Variants in DBF4B observed in about 807,000 individuals in gnomAD.
DBF4B encodes the protein protein DBF4 homolog B.
DBF4B carries 49 observed loss-of-function variants against 53.4 expected under a neutral mutation model. That is an observed-to-expected ratio of 0.92 (90% CI 0.73 to 1.16). The LOEUF is 1.16. DBF4B is among the 50% of genes most tolerant of loss of function. The pLI, the probability that DBF4B is intolerant of heterozygous loss-of-function variation, is 0.00. For missense variants in DBF4B, 692 were observed against 775.0 expected, an observed-to-expected ratio of 0.89 and a Z score of 1.27; for synonymous variants, 257 against 288.7, an observed-to-expected ratio of 0.89 and a Z score of 1.11.
At chr17:44,722,584 C>T (rs1049254339) in intron 2 of DBF4B, among the ~76,000 whole-genome samples, 5 of 152,170 alleles carry the variant, frequency 3.3e-5, no homozygotes, top group Admixed American at 2.0e-4. Context: ...CCCCCAATGT[C>T]TGGTTTGGGG....
At chr17:44,734,359 C>T (rs1975146081) in intron 7 of DBF4B, among the ~76,000 whole-genome samples, 196 bp downstream of exon 7, 2 of 152,228 alleles carry the variant, frequency 1.3e-5, no homozygotes, top group Admixed American at 6.5e-5. Context: ...TTCTCTGTGG[C>T]ACTTGCAGTC....
intron 6 of DBF4B, chr17:44,732,852 C>A (rs576248147): frequency 7.1e-6 from 1 of 141,342 alleles, no homozygotes; most frequent in East Asian, 2.1e-4. Flanking sequence ...GGTGACAGAG[C>A]GAGACTCCGT....
At position 44,751,890 on chromosome 17, in the gene DBF4B, G is replaced by A; in HGVS notation, c.*637G>A. The A allele has an allele frequency of 6.5e-7, 1 of 1,536,120 alleles. No homozygotes were observed. The highest frequency in any genetic ancestry group is 8.7e-7 in the Non-Finnish European group (1 of 1,146,886). ...AGCCCCTCAGTGGCCTGGTTCTCCT[G>A]TCCCCCTGCCCTTCCTCACCATTGC... On this transcript the variant is annotated 3_prime_UTR_variant, in exon 14 of 14. Coordinates refer to ENST00000315005, the MANE Select transcript of DBF4B (RefSeq NM_145663.3).
In DBF4B at chr17:44,751,907, C is replaced by T; in HGVS notation, c.*654C>T. 6.5e-7 allele frequency: 1 copy of T among 1,536,160 alleles called. No individual in the cohort carries two copies. The highest frequency in any genetic ancestry group is 8.7e-7 in the Non-Finnish European group (1 of 1,146,876). ...GTTCTCCTGTCCCCCTGCCCTTCCTCACCATTGCCCATTCCCTCGTTCGTT... is the reference window on the plus strand; with the variant it reads ...GTTCTCCTGTCCCCCTGCCCTTCCTTACCATTGCCCATTCCCTCGTTCGTT... On this transcript the variant is annotated 3_prime_UTR_variant, in exon 14 of 14. Transcript: ENST00000315005.
intron 7 of DBF4B, 78 bp downstream of exon 7, chr17:44,734,241 C>A: frequency 6.4e-7 from 1 of 1,555,914 alleles, no homozygotes; most frequent in Non-Finnish European, 8.8e-7. Flanking sequence ...AATCCATGGC[C>A]CACCCAAACC....
chr17:44,750,925 G>A lies in DBF4B; in HGVS notation c.1520G>A (p.Arg507His), dbSNP rs745548980. The A allele has an allele frequency of 3.2e-5, 51 of 1,614,078 alleles. No individual in the cohort carries two copies. The Admixed American group carries it at 4.8e-4, about 15-fold the overall frequency. Residue 507 changes from arginine (R) to histidine (H), a missense_variant, in exon 14 of 14, where the codon CGC becomes CAC. Arg to His is a conservative substitution (Grantham distance 29). This residue lies in a region of DBF4B where 597 missense variants were observed against 665.8 expected (regional missense o/e 0.90). Coordinates refer to ENST00000315005, the MANE Select transcript of DBF4B (RefSeq NM_145663.3). Reference protein sequence around the residue: ...PEARPWLMSARCWVRPFPFVT... With the variant: ...PEARPWLMSAHCWVRPFPFVT... Reference sequence around the variant, plus strand: ...GCCAGACCGTGGCTTATGTCTGCACGCTGCTGGGTTCGTCCCTTTCCTTTT... The same window carrying A: ...GCCAGACCGTGGCTTATGTCTGCACACTGCTGGGTTCGTCCCTTTCCTTTT...
chr17:44,748,248 G>T (rs1415530667), intron 12 of DBF4B, 93 bp from the exon 13 acceptor site: 5 of 1,487,690 alleles, frequency 3.4e-6, no homozygotes, highest in Non-Finnish European at 4.5e-6. Flanking sequence ...CACATGAACC[G>T]CCAGCTGTGG....
intron 2 of DBF4B, among the ~76,000 whole-genome samples, chr17:44,714,372 CA>C (rs1973151265): frequency 6.6e-6 from 1 of 152,068 alleles, no homozygotes; most frequent in African/African-American, 2.4e-5. Context: ...AGCCCCACAG[CA>C]ATATTTGGCT....
Position 44,747,464 on chromosome 17 carries a change from C to T in DBF4B, c.1013C>T (p.Ala338Val), listed in dbSNP as rs778670611. The change falls in exon 12 of 14, where the codon GCT (alanine) becomes GTT (valine). Residue 338 changes from alanine to valine, a missense_variant. Physicochemically the swap from Ala to Val is moderately conservative, Grantham distance 64. Transcript: ENST00000315005. ...HLYAEVDRII[A>V]QLSHSFADIP... The stretch of plus-strand genomic sequence containing the variant: ...TATGCAGAAGTGGACAGGATCATTG[C>T]TCAGCTCAGCCACAGCTTTGCAGAC... The T allele has an allele frequency of 6.2e-7, 1 of 1,614,148 alleles. No homozygotes were observed. The highest frequency in any genetic ancestry group is 1.1e-5 in the South Asian group (1 of 91,082).
chr17:44,732,473 C>T (rs372763700), intron 6 of DBF4B: 90 of 572,120 alleles, frequency 1.6e-4, no homozygotes, highest in African/African-American at 1.5e-3. Context: ...CTCGGCATCC[C>T]GCAGGAGGTC....
chr17:44,731,489 G>A (rs750777439), intron 5 of DBF4B: 17 of 174,446 alleles, frequency 9.7e-5, no homozygotes, highest in Non-Finnish European at 1.7e-4. Context: ...TGTAGTCCCC[G>A]CTACGCAGGT....
chr17:44,737,116 G>T (rs554066104), intron 8 of DBF4B, among the ~76,000 whole-genome samples: 1 of 152,180 alleles, frequency 6.6e-6, no homozygotes, highest in Admixed American at 6.5e-5. Context: ...AGACACTTTG[G>T]CTCCTGTGTC....
At position 44,722,493 on chromosome 17, in the gene DBF4B, C is replaced by A. The variant is rs567915906; in HGVS notation, c.83-387C>A. ...ACAGGGCAGGCAGTGACTCACTCAG[C>A]ACAGCTAGAAAGCATCCTCCTGCCT... On this transcript the variant is annotated intron_variant, in intron 2 of 13. Coordinates refer to ENST00000315005, the MANE Select transcript of DBF4B (RefSeq NM_145663.3). Among the ~76,000 whole-genome samples, 6 of 152,304 alleles carry A rather than the reference C, an allele frequency of 3.9e-5. No homozygotes were observed. The South Asian group carries it at 1.2e-3, about 32-fold the overall frequency.
At position 44,749,687 on chromosome 17, in the gene DBF4B, C is replaced by A. The variant is rs1014654252; in HGVS notation, c.1190-908C>A. ...GGCCGCCCACGCCAGGAGGCAGAGG[C>A]GAAGTTGGCATGGGGAGGGACCACA... On this transcript the variant is annotated intron_variant, in intron 13 of 13. Coordinates refer to ENST00000315005, the MANE Select transcript of DBF4B (RefSeq NM_145663.3). The surrounding 1 kb of genome is among the most constrained non-coding windows in gnomAD (Gnocchi z 4.4). 8.6e-7 allele frequency: 1 copy of A among 1,162,310 alleles called. No individual in the cohort carries two copies. Among genetic ancestry groups the A allele is most frequent in the South Asian group, 1.8e-5 (1 of 56,338 alleles). 72.0% of individuals were successfully genotyped at this position (1,162,310 alleles called of 1,614,324 possible). A position where few individuals can be genotyped will look rare whatever the true frequency, so the allele number is the denominator to read the frequency against.
At chr17:44,727,801 G>A (rs879901209) in intron 3 of DBF4B, among the ~76,000 whole-genome samples, 5 of 151,332 alleles carry the variant, frequency 3.3e-5, no homozygotes, top group Non-Finnish European at 5.9e-5. Flanking sequence ...AGGTGCAAGC[G>A]ATTCTCCTTC....
At chr17:44,722,191 T>C (rs1665310400) in intron 2 of DBF4B, among the ~76,000 whole-genome samples, 1 of 151,858 alleles carries the variant, frequency 6.6e-6, no homozygotes, top group South Asian at 2.1e-4. Context: ...CCCTGGAATA[T>C]GGGCTCATTC....
At chr17:44,739,954 G>A (rs1334067134) in intron 9 of DBF4B, among the ~76,000 whole-genome samples, 1 of 152,170 alleles carries the variant, frequency 6.6e-6, no homozygotes, top group Non-Finnish European at 1.5e-5. Context: ...TTGTAGAGAC[G>A]GGGTTTGGCC....
Position 44,749,407 on chromosome 17 carries a change from G to A in DBF4B, c.1189+942G>A, listed in dbSNP as rs1360667881. On this transcript the variant is annotated intron_variant, in intron 13 of 13. Transcript: ENST00000315005. The surrounding 1 kb of genome is among the most constrained non-coding windows in gnomAD (Gnocchi z 4.4). ...CTCCTCTGCTGGGTGCTGCACACCCGGCCAGGGCTGACCAGGACGCAGGAG... is the reference window on the plus strand; with the variant it reads ...CTCCTCTGCTGGGTGCTGCACACCCAGCCAGGGCTGACCAGGACGCAGGAG... The A allele has an allele frequency of 7.0e-6, 9 of 1,289,416 alleles. No homozygotes were observed. The highest frequency in any genetic ancestry group is 3.7e-5 in the South Asian group (3 of 81,046). 79.9% of individuals were successfully genotyped at this position (1,289,416 alleles called of 1,614,324 possible).
chr17:44,724,868 G>T (rs1974157748), intron 3 of DBF4B, among the ~76,000 whole-genome samples: 1 of 151,964 alleles, frequency 6.6e-6, no homozygotes, highest in Non-Finnish European at 1.5e-5. Flanking sequence ...TGTAATCCCG[G>T]CACTTTGGGA....
Sources: allele counts gnomAD v4.1 joint callset (sites outside exome capture counted in the v4.1 genomes callset), GRCh38; gene constraint gnomAD v4.1.1; regional missense constraint gnomAD v4.1.1; non-coding constraint Gnocchi (gnomAD v3.1); transcripts MANE v1.5; gene names NCBI Gene and HGNC (gene_info 2026-07-23, HGNC 2026-07-21).